AKAP19: variants seen among roughly 807,000 people sequenced by gnomAD.
The protein encoded by AKAP19 is small A-kinase anchoring protein.
At chr2:190,176,626 G>A in the AKAP19 span, among the ~76,000 whole-genome samples, 2 of 152,218 alleles carry the variant, frequency 1.3e-5, no homozygotes, top group African/African-American at 4.8e-5. The surrounding 1 kb of genome is among the most constrained non-coding windows in gnomAD (Gnocchi z 4.7). Flanking sequence ...GGGATTACAG[G>A]CATGAGCCAC....
At chr2:190,130,903 G>T in the AKAP19 span, among the ~76,000 whole-genome samples, 1 of 152,150 alleles carries the variant, frequency 6.6e-6, no homozygotes, top group African/African-American at 2.4e-5. Flanking sequence ...TTAGGTATTT[G>T]CTATATTTGT....
the AKAP19 span, among the ~76,000 whole-genome samples, chr2:190,069,807 A>T: frequency 3.9e-5 from 6 of 152,206 alleles, no homozygotes; most frequent in Non-Finnish European, 8.8e-5. Context: ...GGAATTGGAC[A>T]CAGAAAAAGA....
the AKAP19 span, among the ~76,000 whole-genome samples, chr2:189,898,987 A>G: frequency 6.6e-6 from 1 of 152,140 alleles, no homozygotes; most frequent in East Asian, 1.9e-4. Context: ...TATCTTCTAC[A>G]TGAACTTTGA....
the AKAP19 span, among the ~76,000 whole-genome samples, chr2:189,887,082 C>T: frequency 0.03 from 4,625 of 152,136 alleles, 232 homozygotes; most frequent in African/African-American, 0.11. Context: ...TGGTGGTTTG[C>T]TGCACCCATC....
chr2:190,047,949 A>G, the AKAP19 span, among the ~76,000 whole-genome samples: 1 of 152,190 alleles, frequency 6.6e-6, no homozygotes, highest in South Asian at 2.1e-4. Context: ...TGTGAGCTAA[A>G]TGTCCGACAC....
At chr2:189,894,032 C>T in the AKAP19 span, among the ~76,000 whole-genome samples, 2 of 152,116 alleles carry the variant, frequency 1.3e-5, no homozygotes, top group African/African-American at 2.4e-5. Flanking sequence ...CCACATTATA[C>T]GGATGGGCAC....
At chr2:189,927,350 T>C in the AKAP19 span, among the ~76,000 whole-genome samples, 1 of 152,222 alleles carries the variant, frequency 6.6e-6, no homozygotes, top group African/African-American at 2.4e-5. Context: ...TTATAGAGTA[T>C]AGAGGAGTTT....
the AKAP19 span, among the ~76,000 whole-genome samples, chr2:190,149,921 A>G: frequency 2.0e-5 from 3 of 151,980 alleles, no homozygotes; most frequent in Non-Finnish European, 2.9e-5. Context: ...GGAGTATTGA[A>G]ATCTCCCACT....
the AKAP19 span, among the ~76,000 whole-genome samples, chr2:190,126,900 A>T: frequency 0.076 from 11,622 of 152,148 alleles, 739 homozygotes; most frequent in African/African-American, 0.18. Context: ...GGGAAAGAAG[A>T]TGTACACACA....
chr2:189,939,825 T>G, the AKAP19 span, among the ~76,000 whole-genome samples: 4 of 152,158 alleles, frequency 2.6e-5, no homozygotes, highest in Admixed American at 2.6e-4. Context: ...GAGGAAAGGA[T>G]CAGCAAGCTG....
chr2:190,125,007 A>G, the AKAP19 span, among the ~76,000 whole-genome samples: 1 of 152,088 alleles, frequency 6.6e-6, no homozygotes, highest in East Asian at 1.9e-4. Context: ...GAAGTTTTTG[A>G]GGGGCAGTAA....
chr2:190,062,291 G>A, the AKAP19 span: 1,470 of 1,613,158 alleles, frequency 9.1e-4, 15 homozygotes, highest in African/African-American at 0.017. Context: ...AAGAGCCATC[G>A]CTGCTGTCAT....
the AKAP19 span, among the ~76,000 whole-genome samples, chr2:190,096,903 G>A: frequency 4.6e-5 from 7 of 152,146 alleles, no homozygotes; most frequent in East Asian, 1.9e-4. Context: ...ACTCTCCCTC[G>A]GATCCCATCC....
the AKAP19 span, among the ~76,000 whole-genome samples, chr2:190,048,119 G>C: frequency 6.6e-6 from 1 of 150,414 alleles, no homozygotes; most frequent in Non-Finnish European, 1.5e-5. Flanking sequence ...ATTATGGTTA[G>C]ATTTCAAGGA....
At chr2:190,003,194 G>C in the AKAP19 span, among the ~76,000 whole-genome samples, 1 of 152,008 alleles carries the variant, frequency 6.6e-6, no homozygotes, top group Non-Finnish European at 1.5e-5. Flanking sequence ...TTTAAAAATT[G>C]TAAGTTCATT....
the AKAP19 span, among the ~76,000 whole-genome samples, chr2:190,089,020 A>G: frequency 2.0e-5 from 3 of 152,198 alleles, no homozygotes; most frequent in Admixed American, 6.5e-5. Flanking sequence ...TTTTAGTTTA[A>G]AAGATAGGCT....
chr2:190,018,269 C>T, the AKAP19 span, among the ~76,000 whole-genome samples: 1 of 152,002 alleles, frequency 6.6e-6, no homozygotes, highest in African/African-American at 2.4e-5. Context: ...TTCTGGAAAT[C>T]CTATTCTATC....
At chr2:190,050,927 C>A in the AKAP19 span, among the ~76,000 whole-genome samples, 2 of 152,134 alleles carry the variant, frequency 1.3e-5, no homozygotes, top group East Asian at 3.9e-4. Context: ...TATTGTACAT[C>A]ATTTTCTGTG....
the AKAP19 span, among the ~76,000 whole-genome samples, chr2:189,943,944 A>G: frequency 1.3e-5 from 2 of 152,168 alleles, no homozygotes; most frequent in Admixed American, 6.5e-5. Context: ...TCTTGAAAGT[A>G]ACTAACTTGT....
Sources: allele counts gnomAD v4.1 joint callset (sites outside exome capture counted in the v4.1 genomes callset), GRCh38; gene constraint gnomAD v4.1.1; non-coding constraint Gnocchi (gnomAD v3.1); transcripts MANE v1.5; gene names NCBI Gene and HGNC (gene_info 2026-07-23, HGNC 2026-07-21).